The following RBMS1 variants were observed in gnomAD, a reference collection of about 807,000 sequenced individuals.
The protein encoded by RBMS1 is RNA-binding motif, single-stranded-interacting protein 1.
A neutral mutation model predicts 62.3 loss-of-function variants in RBMS1; 17 were observed. The ratio of observed to expected loss-of-function variants is 0.27; its 90% CI spans 0.19 to 0.41. RBMS1 has a LOEUF of 0.41. RBMS1 is among the 10% of genes least tolerant of loss of function. The pLI is 1.00. For missense variants in RBMS1, 334 were observed against 504.5 expected (o/e 0.66, Z 3.24); for synonymous variants, 172 against 170.0 (o/e 1.01, Z -0.09).
chr2:160,399,929 A>G (rs1276769882), intron 1 of RBMS1, among the ~76,000 whole-genome samples: 4 of 152,234 alleles, frequency 2.6e-5, no homozygotes, highest in Non-Finnish European at 4.4e-5. Flanking sequence ...CACCAAAACA[A>G]TGAGACTGGA....
chr2:160,347,257 G>A (rs1189018220), intron 2 of RBMS1, among the ~76,000 whole-genome samples: 1 of 152,006 alleles, frequency 6.6e-6, no homozygotes, highest in Non-Finnish European at 1.5e-5. Flanking sequence ...AATTCAAATG[G>A]TTTAAAGTTT....
At chr2:160,333,440 C>T (rs1691391886) in intron 2 of RBMS1, among the ~76,000 whole-genome samples, 1 of 152,172 alleles carries the variant, frequency 6.6e-6, no homozygotes, top group South Asian at 2.1e-4. Context: ...CCCACCAGGC[C>T]AGCCTGGGAC....
At chr2:160,397,699 C>A (rs185394547) in intron 1 of RBMS1, among the ~76,000 whole-genome samples, 95 of 152,290 alleles carry the variant, frequency 6.2e-4, no homozygotes, top group African/African-American at 2.1e-3. Context: ...CCACTACACA[C>A]ACAGGACTCC....
At chr2:160,315,276 G>C (rs1480377997) in intron 3 of RBMS1, among the ~76,000 whole-genome samples, 2 of 152,080 alleles carry the variant, frequency 1.3e-5, no homozygotes, top group Non-Finnish European at 1.5e-5. Flanking sequence ...ATGCAACCTT[G>C]TGCTCTTTCA....
chr2:160,390,185 G>T (rs1478730866), intron 1 of RBMS1, among the ~76,000 whole-genome samples: 1 of 152,130 alleles, frequency 6.6e-6, no homozygotes, highest in African/African-American at 2.4e-5. Flanking sequence ...AGTGAGATGT[G>T]GTGGATGAAA....
At chr2:160,313,306 T>C (rs1690035853) in intron 3 of RBMS1, 59 bp from the exon 4 acceptor site, 5 of 1,509,252 alleles carry the variant, frequency 3.3e-6, no homozygotes, top group Non-Finnish European at 4.5e-6. Flanking sequence ...GGTAAAAGGG[T>C]AAAAGAACAG....
At chr2:160,327,571 G>C (rs1009997169) in intron 2 of RBMS1, among the ~76,000 whole-genome samples, 1 of 152,052 alleles carries the variant, frequency 6.6e-6, no homozygotes, top group Non-Finnish European at 1.5e-5. Flanking sequence ...AGGTAACGTA[G>C]CTTTACATTA....
At chr2:160,484,773 A>AG (rs1445667292) in intron 1 of RBMS1, among the ~76,000 whole-genome samples, 1 of 151,352 alleles carries the variant, frequency 6.6e-6, no homozygotes, top group Non-Finnish European at 1.5e-5. Context: ...CAGGAGGCTG[A>AG]GGCAGGAGAA....
intron 1 of RBMS1, among the ~76,000 whole-genome samples, chr2:160,379,468 A>T (rs949466788): frequency 6.6e-6 from 1 of 152,172 alleles, no homozygotes; most frequent in Non-Finnish European, 1.5e-5. Flanking sequence ...TTTAGTGGTG[A>T]TGGTATCAAC....
intron 1 of RBMS1, among the ~76,000 whole-genome samples, chr2:160,459,870 A>C (rs1031890368): frequency 1.1e-4 from 17 of 152,222 alleles, no homozygotes; most frequent in African/African-American, 4.1e-4. Flanking sequence ...CAATGTGCAC[A>C]AAAGTATATA....
At chr2:160,440,025 G>A (rs1683339767) in intron 1 of RBMS1, among the ~76,000 whole-genome samples, 1 of 149,794 alleles carries the variant, frequency 6.7e-6, no homozygotes, top group African/African-American at 2.5e-5. Flanking sequence ...GCTTCGGCTC[G>A]GCATCAGAGG....
At chr2:160,433,744 T>C (rs1683000303) in intron 1 of RBMS1, among the ~76,000 whole-genome samples, 1 of 152,256 alleles carries the variant, frequency 6.6e-6, no homozygotes, top group African/African-American at 2.4e-5. Context: ...TTCTTTTTCA[T>C]ATCATGTCTT....
rs948673229 is a variant in RBMS1 at position 160,274,254 on chromosome 2, C to G, written c.*518G>C. Reference sequence around the variant, plus strand: ...AAGAAAAGAGACACTGACGGCAACACTGAATTACAGCAACACTCGCACTGC... The same window carrying G: ...AAGAAAAGAGACACTGACGGCAACAGTGAATTACAGCAACACTCGCACTGC... On this transcript the variant is annotated 3_prime_UTR_variant, in exon 14 of 14. Coordinates refer to ENST00000348849, the MANE Select transcript of RBMS1 (RefSeq NM_016836.4). The G allele has an allele frequency of 1.3e-5, 2 of 152,562 alleles. No homozygotes were observed. The highest frequency in any genetic ancestry group is 2.4e-5 in the African/African-American group (1 of 41,426). 9.5% of individuals were successfully genotyped at this position (152,562 alleles called of 1,614,324 possible).
chr2:160,430,409 G>A (rs1682839303), intron 1 of RBMS1, among the ~76,000 whole-genome samples: 1 of 152,132 alleles, frequency 6.6e-6, no homozygotes. Flanking sequence ...ACCATGCAGT[G>A]GGAAACTAGA....
intron 1 of RBMS1, among the ~76,000 whole-genome samples, chr2:160,445,657 C>T (rs1683612126): frequency 6.6e-6 from 1 of 152,180 alleles, no homozygotes; most frequent in African/African-American, 2.4e-5. Flanking sequence ...AGAGTAGCCA[C>T]AATGTGCTTG....
chr2:160,448,881 A>T (rs1228878548), intron 1 of RBMS1, among the ~76,000 whole-genome samples: 1 of 147,696 alleles, frequency 6.8e-6, no homozygotes, highest in Admixed American at 6.7e-5. Context: ...ATCGTCTGAG[A>T]TGTGGGGAGC....
At position 160,345,941 on chromosome 2, in the gene RBMS1, C is replaced by T. The variant is rs578106694; in HGVS notation, c.251+21275G>A. ...TGTCAAAATTGGTATTGCAAGCAGACAATGGCTGTTCAGAGTGAAGGAGCG... is the reference window on the plus strand; with the variant it reads ...TGTCAAAATTGGTATTGCAAGCAGATAATGGCTGTTCAGAGTGAAGGAGCG... On this transcript the variant is annotated intron_variant, in intron 2 of 13. Coordinates refer to ENST00000348849, the MANE Select transcript of RBMS1 (RefSeq NM_016836.4). 8.1e-4 allele frequency among the ~76,000 whole-genome samples: 123 copies of T among 152,236 alleles called. 3 individuals are homozygous for T. The South Asian group carries it at 0.025, about 32-fold the overall frequency.
chr2:160,376,004 T>C (rs78013573), intron 1 of RBMS1, among the ~76,000 whole-genome samples: 1 of 152,094 alleles, frequency 6.6e-6, no homozygotes, highest in Non-Finnish European at 1.5e-5. Flanking sequence ...CCCCAGTAGA[T>C]TTAGGATTCC....
chr2:160,314,208 T>C (rs1690087722), intron 3 of RBMS1, among the ~76,000 whole-genome samples: 1 of 152,186 alleles, frequency 6.6e-6, no homozygotes, highest in Non-Finnish European at 1.5e-5. Flanking sequence ...ACAGATCCCA[T>C]GAGTATCACC....
Sources: allele counts gnomAD v4.1 joint callset (sites outside exome capture counted in the v4.1 genomes callset), GRCh38; gene constraint gnomAD v4.1.1; transcripts MANE v1.5; gene names NCBI Gene and HGNC (gene_info 2026-07-23, HGNC 2026-07-21).